CCDC178: variants seen among roughly 807,000 people sequenced by gnomAD.
CCDC178 encodes coiled-coil domain containing 178, also known as coiled-coil domain-containing protein 178.
A neutral mutation model predicts 117.4 loss-of-function variants in CCDC178; 126 were observed. That is an observed-to-expected ratio of 1.07 (90% confidence interval 0.93 to 1.24). CCDC178 has a LOEUF of 1.24. CCDC178 is among the 50% of genes most tolerant of loss of function. CCDC178 has a pLI of 0.00. For missense variants in CCDC178, 1,030 were observed against 986.9 expected (o/e 1.04, Z -0.59); for synonymous variants, 283 against 313.4 (o/e 0.90, Z 1.02).
chr18:33,339,796 A>T (rs1363781294), intron 9 of CCDC178, among the ~76,000 whole-genome samples: 1 of 152,056 alleles, frequency 6.6e-6, no homozygotes, highest in Non-Finnish European at 1.5e-5. Flanking sequence ...CCATGTAAGA[A>T]GTGCCTTTCA....
intron 11 of CCDC178, among the ~76,000 whole-genome samples, chr18:33,310,856 C>A (rs575360782): frequency 6.6e-6 from 1 of 152,272 alleles, no homozygotes; most frequent in South Asian, 2.1e-4. Context: ...GCAGGCAACA[C>A]TTTCCCTGCC....
At chr18:33,151,968 G>A (rs549182697) in intron 20 of CCDC178, among the ~76,000 whole-genome samples, 2 of 152,110 alleles carry the variant, frequency 1.3e-5, no homozygotes, top group Admixed American at 1.3e-4. Flanking sequence ...AAGAAATTAC[G>A]TATAAAGTAT....
chr18:33,081,106 G>T (rs528793888), intron 21 of CCDC178, among the ~76,000 whole-genome samples: 4 of 152,222 alleles, frequency 2.6e-5, no homozygotes, highest in Admixed American at 6.5e-5. Context: ...GCTGAACAGA[G>T]GAGGACATAT....
chr18:33,289,308 G>C (rs1394060887), intron 12 of CCDC178, among the ~76,000 whole-genome samples: 1 of 152,100 alleles, frequency 6.6e-6, no homozygotes, highest in East Asian at 1.9e-4. Flanking sequence ...GCAAGAGGTA[G>C]AGTTTAAAAA....
At chr18:33,354,659 G>A (rs2063028753) in intron 7 of CCDC178, among the ~76,000 whole-genome samples, 1 of 148,102 alleles carries the variant, frequency 6.8e-6, no homozygotes, top group Admixed American at 6.8e-5. Flanking sequence ...CGCCCAGGTT[G>A]GAATGCAGTG....
intron 9 of CCDC178, among the ~76,000 whole-genome samples, chr18:33,342,227 TATG>T (rs1452991185): frequency 1.3e-5 from 2 of 150,372 alleles, no homozygotes; most frequent in Non-Finnish European, 3.0e-5. Context: ...TAAGAAACAA[TATG>T]ATATGTTTCA....
chr18:33,342,813 A>G (rs1280642573), intron 9 of CCDC178, among the ~76,000 whole-genome samples: 1 of 152,226 alleles, frequency 6.6e-6, no homozygotes, highest in Non-Finnish European at 1.5e-5. Context: ...GTTACAAAGC[A>G]CAATTGTAGT....
At chr18:33,412,904 T>C (rs1356106898) in intron 2 of CCDC178, among the ~76,000 whole-genome samples, 1 of 152,090 alleles carries the variant, frequency 6.6e-6, no homozygotes, top group African/African-American at 2.4e-5. Flanking sequence ...CTCCCTGTAC[T>C]TTTTTTCTCC....
chr18:33,412,985 G>A (rs2063880812), intron 2 of CCDC178, among the ~76,000 whole-genome samples: 2 of 152,024 alleles, frequency 1.3e-5, no homozygotes, highest in South Asian at 4.1e-4. Context: ...CAACCTCCCT[G>A]TGCTGTATTT....
At chr18:33,010,119 T>G (rs918878047) in intron 21 of CCDC178, among the ~76,000 whole-genome samples, 1 of 152,192 alleles carries the variant, frequency 6.6e-6, no homozygotes. Context: ...TACAATGGCA[T>G]CCTAAAAGCT....
intron 20 of CCDC178, among the ~76,000 whole-genome samples, chr18:33,192,974 T>C (rs2058879367): frequency 6.8e-6 from 1 of 148,128 alleles, no homozygotes; most frequent in Non-Finnish European, 1.5e-5. Context: ...AAATGACAAA[T>C]CTAGGCTGGG....
chr18:33,193,463 A>G (rs1004502132), intron 20 of CCDC178, among the ~76,000 whole-genome samples: 5 of 152,088 alleles, frequency 3.3e-5, no homozygotes, highest in African/African-American at 1.2e-4. Flanking sequence ...CACATAGTAG[A>G]CATTTTACTG....
At chr18:33,336,909 G>T (rs1165194550) in intron 9 of CCDC178, among the ~76,000 whole-genome samples, 2 of 151,954 alleles carry the variant, frequency 1.3e-5, no homozygotes, top group South Asian at 2.1e-4. Flanking sequence ...TGAATTTTAG[G>T]ATTGCTTTTT....
intron 14 of CCDC178, among the ~76,000 whole-genome samples, chr18:33,246,718 C>T (rs2059553449): frequency 6.6e-6 from 1 of 151,784 alleles, no homozygotes; most frequent in Admixed American, 6.6e-5. Flanking sequence ...TTCACTGACT[C>T]ATGACAGGGC....
rs9959698 is a variant in CCDC178, at chr18:33,277,030, A to G, written c.1177-9733T>C. Among the ~76,000 whole-genome samples the G allele has an allele frequency of 8.9e-3, 1,348 of 152,216 alleles. 18 individuals are homozygous for G. The highest frequency in any genetic ancestry group is 0.03 in the African/African-American group (1,253 of 41,554). ...TAAGGGAATAAAAAAACTAGTAGCA[A>G]TCCCATTAAGAGTGGGGCATAGCAA... On this transcript the variant is annotated intron_variant, in intron 12 of 22. Transcript: ENST00000383096.
chr18:33,325,277 A>T (rs2062568633), intron 10 of CCDC178, among the ~76,000 whole-genome samples: 1 of 151,956 alleles, frequency 6.6e-6, no homozygotes, highest in Non-Finnish European at 1.5e-5. Context: ...GCATCATTTG[A>T]TAAAATTCTG....
chr18:33,076,834 G>T (rs1022854830), intron 21 of CCDC178, among the ~76,000 whole-genome samples: 2 of 152,032 alleles, frequency 1.3e-5, no homozygotes, highest in Admixed American at 1.3e-4. Context: ...CAGCTGCTTG[G>T]AGCTGCTAAT....
At chr18:33,072,484 T>C (rs1223568651) in intron 21 of CCDC178, among the ~76,000 whole-genome samples, 1 of 152,114 alleles carries the variant, frequency 6.6e-6, no homozygotes, top group Non-Finnish European at 1.5e-5. Flanking sequence ...AGTACCTCTA[T>C]TCAGTAAAAG....
chr18:33,378,678 C>T (rs2063395274), intron 5 of CCDC178, among the ~76,000 whole-genome samples: 3 of 152,264 alleles, frequency 2.0e-5, no homozygotes, highest in Non-Finnish European at 4.4e-5. Flanking sequence ...GGTTTTTCGA[C>T]ATCTATTGAG....
Sources: gnomAD v4.1 joint callset for allele counts (sites outside exome capture counted in the v4.1 genomes callset) on GRCh38, gnomAD v4.1.1 for gene constraint, MANE v1.5 for transcripts, NCBI Gene and HGNC (gene_info 2026-07-23, HGNC 2026-07-21) for gene names.